TLL1: variants seen among roughly 807,000 people sequenced by gnomAD.
TLL1 encodes the protein tolloid-like protein 1.
Under a neutral mutation model 128.2 loss-of-function variants are expected in TLL1, and 49 were observed. That is an observed-to-expected ratio of 0.38 (90% confidence interval 0.30 to 0.48). TLL1 has a LOEUF of 0.48. Ranked by LOEUF, TLL1 falls within the 20% of genes least tolerant of loss-of-function variation. TLL1 has a pLI of 0.96. For missense variants in TLL1, 1,123 were observed against 1,242.0 expected (o/e 0.90, Z 1.44); for synonymous variants, 454 against 418.8 (o/e 1.08, Z -1.03).
rs550356185 is a variant in TLL1 at position 166,101,052 on chromosome 4, G to T, written c.*176G>T. The T allele has an allele frequency of 2.8e-6, 2 of 721,152 alleles. No homozygotes were observed. The highest frequency in any genetic ancestry group is 5.8e-5 in the East Asian group (2 of 34,612). 44.7% of individuals were successfully genotyped at this position (721,152 alleles called of 1,614,324 possible). A position where few individuals can be genotyped will look rare whatever the true frequency, so the allele number is the denominator to read the frequency against. ...GAAGTTTCCAGCAAAACCCTCATCA[G>T]CATTACAAGGATATTTGAACTCCAT... On this transcript the variant is annotated 3_prime_UTR_variant, in exon 21 of 21. Transcript: ENST00000061240.
chr4:165,963,054 CAA>C (rs869191830), intron 1 of TLL1, among the ~76,000 whole-genome samples: 17 of 18,328 alleles, frequency 9.3e-4, no homozygotes, highest in African/African-American at 2.3e-3. Flanking sequence ...GGCTCTGTCT[CAA>C]AAAAAAAAAA....
intron 19 of TLL1, among the ~76,000 whole-genome samples, chr4:166,097,298 G>A (rs1214900281): frequency 6.6e-6 from 1 of 152,114 alleles, no homozygotes; most frequent in Admixed American, 6.6e-5. Context: ...CAGTTTGTGG[G>A]ACTTGGGAGA....
intron 5 of TLL1, among the ~76,000 whole-genome samples, chr4:165,998,716 G>A (rs1737006726): frequency 6.6e-6 from 1 of 151,750 alleles, no homozygotes; most frequent in African/African-American, 2.4e-5. Flanking sequence ...AGAATGGCGT[G>A]AACCTGGGAG....
chr4:166,052,960 T>G (rs1739815415), intron 12 of TLL1, among the ~76,000 whole-genome samples: 1 of 114,486 alleles, frequency 8.7e-6, no homozygotes, highest in Non-Finnish European at 1.8e-5. Flanking sequence ...GATAAGAGGT[T>G]ATGTGTATAT....
At chr4:165,884,562 G>A (rs1203432923) in intron 1 of TLL1, among the ~76,000 whole-genome samples, 2 of 152,156 alleles carry the variant, frequency 1.3e-5, no homozygotes, top group Non-Finnish European at 2.9e-5. Context: ...GTGGCTGGGC[G>A]CAGTGGCTCA....
intron 6 of TLL1, among the ~76,000 whole-genome samples, chr4:166,004,050 A>G (rs1466741465): frequency 6.6e-6 from 1 of 152,084 alleles, no homozygotes; most frequent in African/African-American, 2.4e-5. Context: ...AGCTAATATA[A>G]ATAGTTTTTT....
chr4:166,103,974 G>T lies in TLL1; in HGVS notation c.*3098G>T, dbSNP rs1742402859. ...ACAAAATAACTTTTTAAAAGAAATG[G>T]ATGAGAAGTAATTGTGTTTCCAAAA... On this transcript the variant is annotated 3_prime_UTR_variant, in exon 21 of 21. Coordinates refer to ENST00000061240, the MANE Select transcript of TLL1 (RefSeq NM_012464.5). The T allele has an allele frequency of 6.6e-6, 1 of 151,846 alleles. No individual in the cohort carries two copies. Among genetic ancestry groups the T allele is most frequent in the Admixed American group, 6.6e-5 (1 of 15,196 alleles). The allele number at this position is 151,846 out of a possible 1,614,324, so 9.4% of individuals were successfully genotyped here.
At chr4:165,919,985 A>G (rs1732973269) in intron 1 of TLL1, 1 of 340,198 alleles carries the variant, frequency 2.9e-6, no homozygotes, top group Non-Finnish European at 5.9e-6. Context: ...TCAGTGATTG[A>G]GGTCTGTATG....
At chr4:165,972,090 G>A (rs761439796) in intron 1 of TLL1, among the ~76,000 whole-genome samples, 1 of 151,704 alleles carries the variant, frequency 6.6e-6, no homozygotes, top group Non-Finnish European at 1.5e-5. Context: ...AGGACAGATT[G>A]CTTGAGCAAT....
chr4:165,981,949 G>T (rs1736165910), intron 1 of TLL1, among the ~76,000 whole-genome samples: 1 of 151,974 alleles, frequency 6.6e-6, no homozygotes, highest in Non-Finnish European at 1.5e-5. Flanking sequence ...TGGTTAAGAT[G>T]GATCATCAGC....
Position 165,963,084 on chromosome 4 carries a change from G to A in TLL1, c.170-26297G>A, listed in dbSNP as rs865933440. On this transcript the variant is annotated intron_variant, in intron 1 of 20. Transcript: ENST00000061240. ...AAAAAAAAAAAAAAAAAAAAAAGTGGTAGCTAAACATTAGGTACTCATGAA... is the reference window on the plus strand; with the variant it reads ...AAAAAAAAAAAAAAAAAAAAAAGTGATAGCTAAACATTAGGTACTCATGAA... Among the ~76,000 whole-genome samples, 13 of 136,602 alleles carry A rather than the reference G, an allele frequency of 9.5e-5. 1 individual carries two copies. The highest frequency in any genetic ancestry group is 1.4e-4 in the Admixed American group (2 of 14,288). 89.6% of individuals were successfully genotyped at this position (136,602 alleles called of 152,430 possible). A position where few individuals can be genotyped will look rare whatever the true frequency, so the allele number is the denominator to read the frequency against.
intron 1 of TLL1, among the ~76,000 whole-genome samples, chr4:165,948,425 C>T (rs757102225): frequency 2.6e-5 from 4 of 152,074 alleles, no homozygotes; most frequent in Non-Finnish European, 5.9e-5. Flanking sequence ...TGGAATGAGA[C>T]TTGTCTTAGT....
chr4:166,001,729 A>C (rs1198130944), intron 5 of TLL1, among the ~76,000 whole-genome samples: 2 of 151,840 alleles, frequency 1.3e-5, no homozygotes, highest in African/African-American at 2.4e-5. Context: ...CCTGGGAGGC[A>C]AAGTTTGCAG....
chr4:166,023,212 A>G (rs1351328229), intron 8 of TLL1, among the ~76,000 whole-genome samples: 4 of 152,200 alleles, frequency 2.6e-5, no homozygotes, highest in Admixed American at 6.5e-5. Context: ...CAGCCTGTCC[A>G]ACATGGTGAA....
intron 1 of TLL1, among the ~76,000 whole-genome samples, chr4:165,944,736 G>T (rs550746698): frequency 1.1e-4 from 17 of 152,154 alleles, no homozygotes; most frequent in African/African-American, 4.1e-4. Flanking sequence ...GTGGTGGTTA[G>T]TGGAAAAAAA....
In TLL1 at chr4:166,003,466, G is replaced by T. The variant is rs747512235; in HGVS notation, c.708G>T (p.Gly236=). 6.2e-7 allele frequency: 1 copy of T among 1,613,884 alleles called. No individual in the cohort carries two copies. Among genetic ancestry groups the T allele is most frequent in the African/African-American group, 1.3e-5 (1 of 74,888 alleles). Residue 236 remains glycine, a synonymous_variant, in exon 6 of 21, where the codon GGG becomes GGT. Coordinates refer to ENST00000061240, the MANE Select transcript of TLL1 (RefSeq NM_012464.5). ...ISIGKNCDKF[G]IVVHELGHVI... ...TCGGCAAGAACTGTGATAAATTTGG[G>T]ATTGTTGTTCATGAATTGGGTCATG...
Position 166,102,103 on chromosome 4 carries a change from A to G in TLL1, c.*1227A>G, listed in dbSNP as rs1353681. ...TTGTCAAATATATCAAGAGTATATC[A>G]TTGCAAGGGCAGCACTTGTCCTGTG... is the stretch of plus-strand genomic sequence containing the variant. On this transcript the variant is annotated 3_prime_UTR_variant, in exon 21 of 21. Transcript: ENST00000061240. The G allele has an allele frequency of 0.15, 23,459 of 152,412 alleles. 2,080 individuals are homozygous for G. Among genetic ancestry groups the G allele is most frequent in the East Asian group, 0.43 (2,193 of 5,132 alleles). 9.4% of individuals were successfully genotyped at this position (152,412 alleles called of 1,614,324 possible).
At chr4:165,923,950 CT>C (rs1275073099) in intron 1 of TLL1, among the ~76,000 whole-genome samples, 1 of 152,052 alleles carries the variant, frequency 6.6e-6, no homozygotes, top group African/African-American at 2.4e-5. Context: ...GATTGATGAT[CT>C]TTGATGCTAT....
At position 165,918,028 on chromosome 4, in the gene TLL1, G is replaced by A. The variant is rs1732864252; in HGVS notation, c.169+43955G>A. Among the ~76,000 whole-genome samples, 5 of 152,152 alleles carry A rather than the reference G, an allele frequency of 3.3e-5. 1 individual carries two copies. The South Asian group carries it at 1.0e-3, about 32-fold the overall frequency. On this transcript the variant is annotated intron_variant, in intron 1 of 20. Coordinates refer to ENST00000061240, the MANE Select transcript of TLL1 (RefSeq NM_012464.5). ...TTGAAGATGTAATTTTAGACAAATG[G>A]AAATTTTAGTTGGAAGATTATTAGA... is the stretch of plus-strand genomic sequence containing the variant.
Sources: allele counts gnomAD v4.1 joint callset (sites outside exome capture counted in the v4.1 genomes callset), GRCh38; gene constraint gnomAD v4.1.1; transcripts MANE v1.5; gene names NCBI Gene and HGNC (gene_info 2026-07-23, HGNC 2026-07-21).